The following FYB2 variants were observed in gnomAD, a reference collection of about 807,000 sequenced individuals.
FYB2 encodes the protein FYN binding protein 2.
FYB2 carries 103 observed loss-of-function variants against 94.1 expected under a neutral mutation model. The ratio of observed to expected loss-of-function variants is 1.09; its 90% CI spans 0.93 to 1.29. The LOEUF is 1.29. Among genes scored for constraint, FYB2 ranks in the 50% most tolerant of loss-of-function variants. FYB2 has a pLI of 0.00. For synonymous variants in FYB2, 293 were observed against 287.9 expected (o/e 1.02, Z -0.18); for missense variants, 896 against 841.5 (o/e 1.06, Z -0.80).
intron 1 of FYB2, among the ~76,000 whole-genome samples, chr1:56,800,052 A>G (rs1646485026): frequency 6.6e-6 from 1 of 152,210 alleles, no homozygotes; most frequent in Non-Finnish European, 1.5e-5. Context: ...ACAGGGAGAA[A>G]CAATGGCAAC....
intron 1 of FYB2, 129 bp downstream of exon 1, chr1:56,819,153 T>C: frequency 1.1e-6 from 1 of 949,494 alleles, no homozygotes; most frequent in Non-Finnish European, 1.5e-6. Context: ...GGCTGACACC[T>C]GACATGTTTA....
chr1:56,731,615 C>T (rs1644712524), intron 15 of FYB2, among the ~76,000 whole-genome samples: 1 of 152,228 alleles, frequency 6.6e-6, no homozygotes, highest in African/African-American at 2.4e-5. Context: ...CCATCATCCC[C>T]TCCATGGTCA....
At chr1:56,802,003 T>C (rs1646532889) in intron 1 of FYB2, among the ~76,000 whole-genome samples, 1 of 152,162 alleles carries the variant, frequency 6.6e-6, no homozygotes, top group African/African-American at 2.4e-5. Context: ...AGTGGGAGCA[T>C]GCAGAAACTT....
intron 5 of FYB2, among the ~76,000 whole-genome samples, chr1:56,764,764 A>G (rs1224452917): frequency 6.6e-6 from 1 of 152,218 alleles, no homozygotes; most frequent in Non-Finnish European, 1.5e-5. Flanking sequence ...ACAAAATACC[A>G]TAAATTGCAT....
chr1:56,825,115 C>G, the FYB2 span: 2 of 152,206 alleles, frequency 1.3e-5, no homozygotes, highest in East Asian at 3.8e-4. Flanking sequence ...TGTATTCATT[C>G]AAAGGCATCT....
intron 1 of FYB2, among the ~76,000 whole-genome samples, chr1:56,813,701 C>T (rs1014734142): frequency 6.6e-6 from 1 of 152,160 alleles, no homozygotes; most frequent in Admixed American, 6.5e-5. Context: ...CCTGTTATTA[C>T]TATAAGTTAT....
rs1644883924 is a variant in FYB2 at position 56,738,673 on chromosome 1, A to T, written c.1704-20T>A. 17 of 1,609,666 alleles carry T rather than the reference A, an allele frequency of 1.1e-5. No homozygotes were observed. Among genetic ancestry groups the T allele is most frequent in the Non-Finnish European group, 1.4e-5 (17 of 1,177,696 alleles). On this transcript the variant is annotated intron_variant, in intron 13 of 19. Coordinates refer to ENST00000343433, the MANE Select transcript of FYB2 (RefSeq NM_001004303.5). ...AATGCACTGTTGATTGACAAAAGAC[A>T]CAAAAGAGTTAAGGAAAAAAACCAT...
Position 56,792,800 on chromosome 1 carries a change from C to G in FYB2, c.13G>C (p.Gly5Arg), listed in dbSNP as rs776918136. The G allele has an allele frequency of 6.2e-7, 1 of 1,604,114 alleles. No homozygotes were observed. The highest frequency in any genetic ancestry group is 1.7e-5 in the Admixed American group (1 of 59,320). The change falls in exon 2 of 20, where the codon GGG (glycine) becomes CGG (arginine). Residue 5 changes from glycine (G) to arginine (R), a missense_variant. Transcript: ENST00000343433. ...CGAAGTTCCTTGAAGTTTCTTACCCCTTCCTAAGGCAAAGAATAATCAAAC... is the reference window on the plus strand; with the variant it reads ...CGAAGTTCCTTGAAGTTTCTTACCCGTTCCTAAGGCAAAGAATAATCAAAC... MEGE[G>R]VRNFKELRAK...
rs1293394860 is a variant in FYB2, at chr1:56,757,687, C to CTTCCTTCTTTTTTTT, written c.1098+1028_1098+1029insAAAAAAAAGAAGGAA. ...TCTTTCTTTCCTCTTTCCTTCCTTC[C>CTTCCTTCTTTTTTTT]TTCTTTCTTTCTTTCTTTCTTTCTT... On this transcript the variant is annotated intron_variant, in intron 6 of 19. Coordinates refer to ENST00000343433, the MANE Select transcript of FYB2 (RefSeq NM_001004303.5). 1.5e-3 allele frequency among the ~76,000 whole-genome samples: 108 copies of CTTCCTTCTTTTTTTT among 71,956 alleles called. 2 individuals carry two copies. The highest frequency in any genetic ancestry group is 2.2e-3 in the Non-Finnish European group (85 of 39,078). The allele number at this position is 71,956 out of a possible 152,430, so 47.2% of individuals were successfully genotyped here.
chr1:56,822,982 A>G (rs1185958789), upstream of FYB2, among the ~76,000 whole-genome samples: 1 of 152,142 alleles, frequency 6.6e-6, no homozygotes, highest in East Asian at 1.9e-4. Flanking sequence ...TAATTTATTT[A>G]TGTATAATTT....
At chr1:56,772,050 C>A (rs949303487) in intron 4 of FYB2, among the ~76,000 whole-genome samples, 95 of 152,176 alleles carry the variant, frequency 6.2e-4, no homozygotes, top group East Asian at 3.9e-4. Flanking sequence ...AACTCCAATG[C>A]ATCAGTAACT....
chr1:56,790,931 A>G (rs1406683499), intron 2 of FYB2, among the ~76,000 whole-genome samples: 1 of 152,198 alleles, frequency 6.6e-6, no homozygotes, highest in East Asian at 1.9e-4. Flanking sequence ...TGGCAAGTGC[A>G]AAGGTCCTGA....
rs758856837 is a variant in FYB2, at chr1:56,792,721, G to A, written c.92C>T (p.Pro31Leu). The A allele has an allele frequency of 1.2e-6, 2 of 1,613,914 alleles. No homozygotes were observed. Among genetic ancestry groups the A allele is most frequent in the Non-Finnish European group, 1.7e-6 (2 of 1,179,994 alleles). The change falls in exon 2 of 20, where the codon CCA becomes CTA. Residue 31 changes from proline (P) to leucine (L), a missense_variant. Pro to Leu is a moderately conservative substitution (Grantham distance 98). Transcript: ENST00000343433. ...APPLPGPIKF[P>L]AGVSPKGDIG... ...GTCACCCTTTGGAGAAACACCTGCT[G>A]GGAATTTAATAGGTCCTGGAAGAGG...
intron 6 of FYB2, among the ~76,000 whole-genome samples, chr1:56,757,008 A>G (rs948643324): frequency 2.0e-5 from 3 of 152,184 alleles, no homozygotes; most frequent in Admixed American, 1.3e-4. Flanking sequence ...TCAGTCCCTT[A>G]TAGTCAAGAA....
rs1487323024 is a variant in FYB2 at position 56,801,782 on chromosome 1, A to G, written c.10-8979T>C. ...GTACCCAGATTGGGTTCCATAGACC[A>G]TCATGAGAATCAGTCTCTGGAATAC... On this transcript the variant is annotated intron_variant, in intron 1 of 19. Coordinates refer to ENST00000343433, the MANE Select transcript of FYB2 (RefSeq NM_001004303.5). Among the ~76,000 whole-genome samples the G allele has an allele frequency of 5.9e-5, 9 of 152,172 alleles. No homozygotes were observed. The East Asian group carries it at 1.5e-3, about 26-fold the overall frequency.
At chr1:56,806,278 G>A (rs1267756223) in intron 1 of FYB2, among the ~76,000 whole-genome samples, 2 of 152,210 alleles carry the variant, frequency 1.3e-5, no homozygotes, top group Non-Finnish European at 2.9e-5. Context: ...CAGAGAAAGT[G>A]AGACAGACAT....
intron 1 of FYB2, among the ~76,000 whole-genome samples, chr1:56,805,045 C>T (rs1398639233): frequency 6.6e-6 from 1 of 152,140 alleles, no homozygotes; most frequent in Non-Finnish European, 1.5e-5. Flanking sequence ...GATTTTTTAG[C>T]TGAGTTACCA....
At chr1:56,820,368 T>G (rs1275752899), upstream of FYB2, among the ~76,000 whole-genome samples, 2 of 152,194 alleles carry the variant, frequency 1.3e-5, no homozygotes, top group Middle Eastern at 3.2e-3. Flanking sequence ...GCTGGGGTTA[T>G]TTTTGTTTGT....
chr1:56,819,478 A>G (rs1646962370), upstream of FYB2: 1 of 774,236 alleles, frequency 1.3e-6, no homozygotes, highest in Non-Finnish European at 2.1e-6. Flanking sequence ...GGGCTGGGCC[A>G]GGGCCGGCCG....
Sources: allele counts gnomAD v4.1 joint callset (sites outside exome capture counted in the v4.1 genomes callset), GRCh38; gene constraint gnomAD v4.1.1; transcripts MANE v1.5; gene names NCBI Gene and HGNC (gene_info 2026-07-23, HGNC 2026-07-21).